ACTN4: variants seen among roughly 807,000 people sequenced by gnomAD.
ACTN4 encodes alpha-actinin-4.
ACTN4 carries 18 observed loss-of-function variants against 114.2 expected under a neutral mutation model. The observed-to-expected ratio is 0.16, with a 90% CI of 0.11 to 0.23. The LOEUF is 0.23. Ranked by LOEUF, ACTN4 falls within the 10% of genes least tolerant of loss-of-function variation. The pLI, the probability that ACTN4 is intolerant of heterozygous loss-of-function variation, is 1.00. For missense variants in ACTN4, 722 were observed against 1,262.9 expected (o/e 0.57, Z 6.49); for synonymous variants, 515 against 506.3 (o/e 1.02, Z -0.23).
At chr19:38,682,798 C>T (rs1424200690) in intron 1 of ACTN4, among the ~76,000 whole-genome samples, 2 of 152,186 alleles carry the variant, frequency 1.3e-5, no homozygotes, top group African/African-American at 4.8e-5. Context: ...CCCGAGTTCC[C>T]ACCTAGCACC....
At chr19:38,648,537 A>G (rs1976458742) in intron 1 of ACTN4, among the ~76,000 whole-genome samples, 1 of 151,766 alleles carries the variant, frequency 6.6e-6, no homozygotes, top group African/African-American at 2.4e-5. Flanking sequence ...GGCTAAGGGT[A>G]GAATTGAGCA....
intron 12 of ACTN4, 76 bp from the exon 13 acceptor site, chr19:38,723,538 C>T (rs1800045711): frequency 8.9e-7 from 1 of 1,118,658 alleles, no homozygotes; most frequent in Non-Finnish European, 1.3e-6. Flanking sequence ...GGCCTGGGAA[C>T]CTTGGGGGTA....
Position 38,731,211 on chromosome 19 carries a change from T to C in ACTN4, c.*1779T>C. ...GGTGAGGGTCTGGGTCAGCTGGTTG[T>C]TCAGGTGGAAGCCTAGGGGGAGGCT... is the stretch of plus-strand genomic sequence containing the variant. On this transcript the variant is annotated 3_prime_UTR_variant, in exon 21 of 21. Coordinates refer to ENST00000252699, the MANE Select transcript of ACTN4 (RefSeq NM_004924.6). 6.2e-7 allele frequency: 1 copy of C among 1,612,620 alleles called. No homozygotes were observed. The highest frequency in any genetic ancestry group is 8.5e-7 in the Non-Finnish European group (1 of 1,179,966).
intron 1 of ACTN4, among the ~76,000 whole-genome samples, chr19:38,698,254 C>T (rs540011497): frequency 1.3e-5 from 2 of 152,218 alleles, no homozygotes; most frequent in South Asian, 4.1e-4. Context: ...TCACACTGCC[C>T]GTGGCCTAGG....
intron 9 of ACTN4, among the ~76,000 whole-genome samples, chr19:38,716,278 G>C (rs1008449148): frequency 6.6e-6 from 1 of 152,232 alleles, no homozygotes; most frequent in Non-Finnish European, 1.5e-5. Context: ...GTTCCTAAAA[G>C]AATATGTTTG....
At chr19:38,675,894 T>C (rs1437230545) in intron 1 of ACTN4, among the ~76,000 whole-genome samples, 2 of 152,226 alleles carry the variant, frequency 1.3e-5, no homozygotes, top group Non-Finnish European at 2.9e-5. Flanking sequence ...AGCTCTCGCC[T>C]GTGTTGGAAG....
chr19:38,725,130 T>C (rs1297953927), intron 16 of ACTN4, among the ~76,000 whole-genome samples: 1 of 152,182 alleles, frequency 6.6e-6, no homozygotes, highest in Non-Finnish European at 1.5e-5. Context: ...GCCACATGAG[T>C]GCTGTCATTC....
Position 38,727,166 on chromosome 19 carries a change from T to C in ACTN4, c.2337+63T>C. The C allele has an allele frequency of 6.2e-7, 1 of 1,611,070 alleles. No homozygotes were observed. On this transcript the variant is annotated intron_variant, in intron 18 of 20. Coordinates refer to ENST00000252699, the MANE Select transcript of ACTN4 (RefSeq NM_004924.6). This position sits in a 1 kb window ranked among gnomAD's most constrained non-coding sequence, Gnocchi z 5.4. Reference sequence around the variant, plus strand: ...GCCGTTGCCGTACCAGCCCACACCTTCGTCTCTGCATCTGTTCGTCCATTC... The same window carrying C: ...GCCGTTGCCGTACCAGCCCACACCTCCGTCTCTGCATCTGTTCGTCCATTC...
chr19:38,651,359 G>A (rs1976557025), intron 1 of ACTN4, among the ~76,000 whole-genome samples: 1 of 152,168 alleles, frequency 6.6e-6, no homozygotes, highest in African/African-American at 2.4e-5. Flanking sequence ...AGGGCCATGA[G>A]TGTTCTCCTG....
chr19:38,691,486 G>A (rs1568709274), intron 1 of ACTN4, among the ~76,000 whole-genome samples: 1 of 151,680 alleles, frequency 6.6e-6, no homozygotes, highest in Non-Finnish European at 1.5e-5. Flanking sequence ...CAGAGTCCAG[G>A]AAGGCCTCCT....
rs1968904310 is a variant in ACTN4 at position 38,718,048 on chromosome 19, C to T, written c.1265C>T (p.Ala422Val). The change falls in exon 11 of 21, where the codon GCC becomes GTC. Residue 422 changes from alanine to valine, a missense_variant. Coordinates refer to ENST00000252699, the MANE Select transcript of ACTN4 (RefSeq NM_004924.6). ...DHLAEKFRQK[A>V]SIHEAWTDGK... is the part of the protein sequence containing the mutation. Reference sequence around the variant, plus strand: ...CTGGCAGAGAAGTTCCGGCAGAAGGCCTCCATCCACGAGGCCTGGACTGAC... The same window carrying T: ...CTGGCAGAGAAGTTCCGGCAGAAGGTCTCCATCCACGAGGCCTGGACTGAC... 6.2e-7 allele frequency: 1 copy of T among 1,609,420 alleles called. No individual in the cohort carries two copies. Among genetic ancestry groups the T allele is most frequent in the Non-Finnish European group, 8.5e-7 (1 of 1,178,156 alleles).
At chr19:38,705,900 C>A in intron 4 of ACTN4, 144 bp from the exon 5 acceptor site, 1 of 767,678 alleles carries the variant, frequency 1.3e-6, no homozygotes, top group Non-Finnish European at 2.3e-6. Context: ...CCGCTGCTAT[C>A]ACTGCTGCTG....
At chr19:38,675,440 G>T (rs922871106) in intron 1 of ACTN4, among the ~76,000 whole-genome samples, 1 of 152,156 alleles carries the variant, frequency 6.6e-6, no homozygotes, top group Non-Finnish European at 1.5e-5. Context: ...TCACCATGTT[G>T]CCCAGGCTGG....
intron 11 of ACTN4, among the ~76,000 whole-genome samples, chr19:38,719,556 C>T (rs960191989): frequency 3.9e-5 from 6 of 152,248 alleles, no homozygotes; most frequent in East Asian, 1.9e-4. Context: ...GGCCGGGTGC[C>T]GCACTTCCCT....
At chr19:38,722,965 C>G (rs1969098426) in intron 12 of ACTN4, among the ~76,000 whole-genome samples, 1 of 152,184 alleles carries the variant, frequency 6.6e-6, no homozygotes, top group East Asian at 1.9e-4. Context: ...TGTGGACCGT[C>G]CAGGATGAGC....
intron 1 of ACTN4, among the ~76,000 whole-genome samples, chr19:38,674,581 T>C (rs1967316113): frequency 6.6e-6 from 1 of 152,118 alleles, no homozygotes; most frequent in Non-Finnish European, 1.5e-5. Context: ...CAGCTTCACT[T>C]TACGTCAGTC....
chr19:38,666,171 C>T (rs1237512891), intron 1 of ACTN4, among the ~76,000 whole-genome samples: 1 of 151,982 alleles, frequency 6.6e-6, no homozygotes, highest in Non-Finnish European at 1.5e-5. Flanking sequence ...CCTCCCGCGC[C>T]CCCCCCTTTC....
chr19:38,691,991 C>G (rs1967946174), intron 1 of ACTN4, among the ~76,000 whole-genome samples: 1 of 152,110 alleles, frequency 6.6e-6, no homozygotes, highest in Non-Finnish European at 1.5e-5. Flanking sequence ...GACTGGAACA[C>G]TGGCTGCAGG....
intron 1 of ACTN4, among the ~76,000 whole-genome samples, chr19:38,680,218 T>TTG (rs1967516392): frequency 4.2e-5 from 1 of 23,806 alleles, no homozygotes; most frequent in South Asian, 1.7e-3. Context: ...GGAAGTTTTT[T>TTG]TTTTTTTTTT....
Sources: gnomAD v4.1 joint callset for allele counts (sites outside exome capture counted in the v4.1 genomes callset) on GRCh38, gnomAD v4.1.1 for gene constraint, Gnocchi (gnomAD v3.1) non-coding constraint, MANE v1.5 for transcripts, NCBI Gene and HGNC (gene_info 2026-07-23, HGNC 2026-07-21) for gene names.